Variants in GAPVD1 observed in about 807,000 individuals in gnomAD.
GAPVD1 encodes GTPase-activating protein and VPS9 domain-containing protein 1.
A neutral mutation model predicts 155.5 loss-of-function variants in GAPVD1; 35 were observed. That is an observed-to-expected ratio of 0.23 (90% CI 0.17 to 0.30). The LOEUF (loss-of-function observed/expected upper bound fraction) is 0.30, where lower values mean the gene tolerates loss of function less well. GAPVD1 is among the 10% of genes least tolerant of loss of function. The pLI is 1.00. For missense variants in GAPVD1, 1,429 were observed against 1,775.7 expected (o/e 0.80, Z 3.51); for synonymous variants, 636 against 619.7 (o/e 1.03, Z -0.39).
Position 125,332,496 on chromosome 9 carries a change from ATTG to A in GAPVD1, c.2309-11_2309-9del. 1 of 1,556,638 alleles carries A rather than the reference ATTG, an allele frequency of 6.4e-7. No individual in the cohort carries two copies. The highest frequency in any genetic ancestry group is 8.7e-7 in the Non-Finnish European group (1 of 1,148,376). On this transcript the variant is annotated splice_polypyrimidine_tract_variant and intron_variant, in intron 14 of 27. Coordinates refer to ENST00000297933, the MANE Select transcript of GAPVD1 (RefSeq NM_001282680.3). Reference sequence around the variant, plus strand: ...TTCTTCTTCCTGTTTATTTTTTACTATTGTTTTTTAAAGGCATAAGTGCAACCT... The same window carrying A: ...TTCTTCTTCCTGTTTATTTTTTACTATTTTTTAAAGGCATAAGTGCAACCT...
intron 12 of GAPVD1, 143 bp downstream of exon 12, chr9:125,326,732 G>A: frequency 1.8e-6 from 1 of 544,774 alleles, no homozygotes; most frequent in Non-Finnish European, 3.2e-6. Context: ...TATGGAACAA[G>A]GCATTTGGGT....
At chr9:125,323,698 C>T (rs1381856898) in intron 10 of GAPVD1, 100 bp from the exon 11 acceptor site, 1 of 1,132,178 alleles carries the variant, frequency 8.8e-7, no homozygotes, top group South Asian at 1.3e-5. Context: ...GTATTAAAAA[C>T]ACTTTAATCA....
At chr9:125,306,720 C>G (rs77577918) in intron 6 of GAPVD1, among the ~76,000 whole-genome samples, 3 of 152,126 alleles carry the variant, frequency 2.0e-5, no homozygotes, top group Non-Finnish European at 4.4e-5. Context: ...TTTGAACTTC[C>G]GAGCTCAAGC....
At chr9:125,342,167 C>T (rs1589054997) in intron 18 of GAPVD1, 52 bp from the exon 19 acceptor site, 16 of 866,734 alleles carry the variant, frequency 1.8e-5, no homozygotes, top group Admixed American at 5.8e-5. Context: ...AGTTAACTTC[C>T]GAGTAGTGCA....
At chr9:125,293,870 A>T (rs1296525681) in intron 2 of GAPVD1, among the ~76,000 whole-genome samples, 13 of 20,996 alleles carry the variant, frequency 6.2e-4, no homozygotes, top group African/African-American at 2.5e-3. Flanking sequence ...ATATATATAT[A>T]TATATATATA....
At chr9:125,340,703 C>T (rs1002097556) in intron 17 of GAPVD1, among the ~76,000 whole-genome samples, 3 of 151,954 alleles carry the variant, frequency 2.0e-5, no homozygotes, top group Non-Finnish European at 2.9e-5. Flanking sequence ...ATACCAGGCT[C>T]TGTATTAAGG....
chr9:125,351,294 C>T (rs758633812), intron 23 of GAPVD1, among the ~76,000 whole-genome samples: 29 of 152,206 alleles, frequency 1.9e-4, no homozygotes, highest in Non-Finnish European at 3.5e-4. Flanking sequence ...GTCCCTCCCA[C>T]AACACATGGG....
chr9:125,283,681 T>C (rs540740043), intron 2 of GAPVD1, among the ~76,000 whole-genome samples: 1 of 152,222 alleles, frequency 6.6e-6, no homozygotes, highest in South Asian at 2.1e-4. Flanking sequence ...AGTTTTGAAT[T>C]GCTAGATACA....
chr9:125,328,807 G>A (rs1419927249), intron 12 of GAPVD1, among the ~76,000 whole-genome samples: 3 of 147,358 alleles, frequency 2.0e-5, no homozygotes, highest in African/African-American at 5.2e-5. Context: ...CCTCCCGGAC[G>A]AGGCGGCTGG....
intron 13 of GAPVD1, among the ~76,000 whole-genome samples, chr9:125,330,995 T>G (rs370583320): frequency 2.0e-5 from 3 of 151,940 alleles, no homozygotes; most frequent in Non-Finnish European, 2.9e-5. Context: ...GATTTTTTTT[T>G]TGTGCAGGTT....
chr9:125,356,008 C>T lies in GAPVD1; in HGVS notation c.3971+151C>T, dbSNP rs1470920499. 3 of 619,940 alleles carry T rather than the reference C, an allele frequency of 4.8e-6. No homozygotes were observed. In the Admixed American group the frequency reaches 8.2e-5, roughly 17 times the overall value. The allele number at this position is 619,940 out of a possible 1,614,324, so 38.4% of individuals were successfully genotyped here. ...TTTTCACCTGTCAGAGTTACATGAT[C>T]ACAAAGAATAATACCCAGTTTTCAG... On this transcript the variant is annotated intron_variant, in intron 25 of 27. Coordinates refer to ENST00000297933, the MANE Select transcript of GAPVD1 (RefSeq NM_001282680.3).
intron 11 of GAPVD1, among the ~76,000 whole-genome samples, chr9:125,325,860 A>G (rs1373436351): frequency 6.6e-6 from 1 of 152,198 alleles, no homozygotes; most frequent in Non-Finnish European, 1.5e-5. Context: ...TGGTGCAAAA[A>G]TATTAAATGG....
chr9:125,310,820 G>A (rs897164272), intron 8 of GAPVD1, among the ~76,000 whole-genome samples: 1 of 150,036 alleles, frequency 6.7e-6, no homozygotes, highest in African/African-American at 2.5e-5. Context: ...TTACAGGCGT[G>A]AGCCACCGCG....
intron 4 of GAPVD1, among the ~76,000 whole-genome samples, chr9:125,300,734 A>T (rs1206535056): frequency 6.6e-6 from 1 of 152,050 alleles, no homozygotes; most frequent in Non-Finnish European, 1.5e-5. Context: ...GGGTGCATGT[A>T]TGTGTAAAAA....
chr9:125,322,538 T>A (rs1202779015), intron 10 of GAPVD1, among the ~76,000 whole-genome samples: 1 of 152,206 alleles, frequency 6.6e-6, no homozygotes, highest in Non-Finnish European at 1.5e-5. Context: ...ATTTTGTTGA[T>A]AGCAGTTGAC....
chr9:125,274,022 A>G (rs1326332246), intron 2 of GAPVD1, among the ~76,000 whole-genome samples: 2 of 151,626 alleles, frequency 1.3e-5, no homozygotes, highest in Non-Finnish European at 2.9e-5. Flanking sequence ...GAGATGGAGT[A>G]GTGCTCCGTC....
chr9:125,285,910 T>C (rs1320573917), intron 2 of GAPVD1, among the ~76,000 whole-genome samples: 1 of 151,982 alleles, frequency 6.6e-6, no homozygotes, highest in Non-Finnish European at 1.5e-5. Context: ...CCTGCTCAAG[T>C]GATCCTCCTA....
At chr9:125,318,644 T>C (rs1843797292) in intron 9 of GAPVD1, among the ~76,000 whole-genome samples, 1 of 152,200 alleles carries the variant, frequency 6.6e-6, no homozygotes, top group African/African-American at 2.4e-5. Flanking sequence ...TGGCCAGTTA[T>C]GGTGGCTCAT....
intron 2 of GAPVD1, among the ~76,000 whole-genome samples, chr9:125,286,973 A>C (rs1837808599): frequency 6.6e-6 from 1 of 151,754 alleles, no homozygotes; most frequent in Non-Finnish European, 1.5e-5. Context: ...AATCCTAGCT[A>C]CTCGGGAGGC....
Sources: gnomAD v4.1 joint callset for allele counts (sites outside exome capture counted in the v4.1 genomes callset) on GRCh38, gnomAD v4.1.1 for gene constraint, MANE v1.5 for transcripts, NCBI Gene and HGNC (gene_info 2026-07-23, HGNC 2026-07-21) for gene names.